GALNT8: variants seen among roughly 807,000 people sequenced by gnomAD.
The protein encoded by GALNT8 is polypeptide N-acetylgalactosaminyltransferase 8.
Under a neutral mutation model 62.7 loss-of-function variants are expected in GALNT8, and 66 were observed. The observed-to-expected ratio is 1.05, with a 90% CI of 0.86 to 1.29. GALNT8 has a LOEUF of 1.29. Among genes scored for constraint, GALNT8 ranks in the 50% most tolerant of loss-of-function variants. The pLI is 0.00. For synonymous variants in GALNT8, 288 were observed against 294.3 expected (o/e 0.98, Z 0.22); for missense variants, 771 against 791.8 (o/e 0.97, Z 0.32).
At chr12:4,736,953 G>A (rs1009042952) in intron 2 of GALNT8, among the ~76,000 whole-genome samples, 19 of 152,164 alleles carry the variant, frequency 1.2e-4, no homozygotes, top group African/African-American at 4.3e-4. Flanking sequence ...AGTTAGCCAT[G>A]TCTAAAGCAT....
intron 3 of GALNT8, among the ~76,000 whole-genome samples, chr12:4,740,313 C>T (rs1375438879): frequency 2.0e-5 from 3 of 152,032 alleles, no homozygotes; most frequent in Non-Finnish European, 4.4e-5. Context: ...TTTTCTTGTA[C>T]ACAAAATATG....
intron 6 of GALNT8, among the ~76,000 whole-genome samples, chr12:4,760,601 G>T (rs563306374): frequency 6.6e-6 from 1 of 152,306 alleles, no homozygotes; most frequent in East Asian, 1.9e-4. Context: ...GGCAGAGAAG[G>T]GGCATGAGGA....
chr12:4,724,385 A>T (rs1302954196), intron 1 of GALNT8, among the ~76,000 whole-genome samples: 1 of 152,126 alleles, frequency 6.6e-6, no homozygotes, highest in Non-Finnish European at 1.5e-5. Context: ...AGTTATGGGG[A>T]TAACCTAGTG....
rs1193686362 is a variant in GALNT8, at chr12:4,760,966, G to A, written c.1182G>A (p.Gln394=). Residue 394 remains glutamine, a synonymous_variant, in exon 7 of 11, where the codon CAG becomes CAA. Coordinates refer to ENST00000252318, the MANE Select transcript of GALNT8 (RefSeq NM_017417.2). ...ENVELSLRVW[Q]CGGKVEILPC... ...TTGGTCTTCTTCTGCAGGTGTGGCA[G>A]TGTGGAGGGAAGGTCGAGATTTTGC... is the stretch of plus-strand genomic sequence containing the variant. 8.1e-6 allele frequency: 13 copies of A among 1,613,916 alleles called. No homozygotes were observed. The highest frequency in any genetic ancestry group is 1.1e-5 in the South Asian group (1 of 91,054).
At chr12:4,745,388 C>G in intron 4 of GALNT8, 41 bp from the exon 5 acceptor site, 1 of 1,287,296 alleles carries the variant, frequency 7.8e-7, no homozygotes, top group Non-Finnish European at 1.1e-6. Flanking sequence ...TACTGCTTGT[C>G]CTCATATCCA....
In GALNT8 at chr12:4,728,786, A is replaced by G. The variant is rs190142855; in HGVS notation, c.509+1957A>G. Among the ~76,000 whole-genome samples, 646 of 152,314 alleles carry G rather than the reference A, an allele frequency of 4.2e-3. 1 individual carries two copies. Among genetic ancestry groups the G allele is most frequent in the Middle Eastern group, 0.01 (3 of 294 alleles). ...TTTGTAGTACATTTTGAAATTGAAA[A>G]TGTGAATCTTCCAACTTTCTTCTTC... On this transcript the variant is annotated intron_variant, in intron 2 of 10. Coordinates refer to ENST00000252318, the MANE Select transcript of GALNT8 (RefSeq NM_017417.2).
intron 4 of GALNT8, 53 bp from the exon 5 acceptor site, chr12:4,745,376 C>A: frequency 8.8e-7 from 1 of 1,140,026 alleles, no homozygotes. Context: ...TCTGCTCTCC[C>A]CTACTGCTTG....
chr12:4,757,812 A>T (rs1946351945), intron 6 of GALNT8, among the ~76,000 whole-genome samples: 1 of 152,182 alleles, frequency 6.6e-6, no homozygotes, highest in Non-Finnish European at 1.5e-5. Flanking sequence ...TCTAACACAA[A>T]AAATATAAAT....
intron 6 of GALNT8, among the ~76,000 whole-genome samples, chr12:4,754,237 G>A (rs904227616): frequency 6.6e-6 from 1 of 152,094 alleles, no homozygotes; most frequent in Non-Finnish European, 1.5e-5. Flanking sequence ...CAATCAGTAG[G>A]TGGCAAAGCC....
Position 4,751,627 on chromosome 12 carries a change from C to T in GALNT8, c.1173+5369C>T, listed in dbSNP as rs182048687. Among the ~76,000 whole-genome samples the T allele has an allele frequency of 8.2e-4, 125 of 152,072 alleles. 1 individual carries two copies. The highest frequency in any genetic ancestry group is 7.1e-3 in the South Asian group (34 of 4,808). ...CCACTGTGGTCAGAGAAGATGCATG[C>T]GATTATTTTTATTTTTTGAATGTTT... On this transcript the variant is annotated intron_variant, in intron 6 of 10. Transcript: ENST00000252318.
At chr12:4,729,506 C>T (rs1477064499) in intron 2 of GALNT8, among the ~76,000 whole-genome samples, 2 of 152,136 alleles carry the variant, frequency 1.3e-5, no homozygotes, top group African/African-American at 4.8e-5. Flanking sequence ...TTTTCAGATT[C>T]CACCTGTAAG....
At chr12:4,745,229 G>C (rs546212480) in intron 4 of GALNT8, among the ~76,000 whole-genome samples, 200 bp from the exon 5 acceptor site, 4 of 152,258 alleles carry the variant, frequency 2.6e-5, no homozygotes, top group African/African-American at 9.6e-5. Flanking sequence ...TCTCGATGCG[G>C]GTTGGCTTCT....
rs1200762190 is a variant in GALNT8 at position 4,720,787 on chromosome 12, T to TTAC, written c.111_113dup (p.Thr38dup). 5.0e-6 allele frequency: 8 copies of TTAC among 1,611,942 alleles called. No homozygotes were observed. The highest frequency in any genetic ancestry group is 1.7e-5 in the Admixed American group (1 of 59,988). ...AGCAAGGGGACTTTACAAAACCTGT[T>TTAC]TACGGGTGGTCTCCACAGGGAGCTT... On this transcript the variant is annotated inframe_insertion, in exon 1 of 11. Transcript: ENST00000252318.
intron 6 of GALNT8, among the ~76,000 whole-genome samples, chr12:4,754,543 A>G (rs1485863875): frequency 6.6e-6 from 1 of 152,046 alleles, no homozygotes; most frequent in Non-Finnish European, 1.5e-5. Flanking sequence ...AGGACTCTCA[A>G]GTTAGCTTAT....
chr12:4,734,973 C>T (rs1372869340), intron 2 of GALNT8, among the ~76,000 whole-genome samples: 2 of 152,206 alleles, frequency 1.3e-5, no homozygotes, highest in African/African-American at 4.8e-5. Context: ...AACGGGTGAA[C>T]AGTGAGCTAC....
intron 3 of GALNT8, among the ~76,000 whole-genome samples, chr12:4,741,871 AG>A (rs767763276): frequency 2.6e-5 from 4 of 152,242 alleles, no homozygotes; most frequent in Admixed American, 6.5e-5. Context: ...TTGGTGTTAC[AG>A]GGACAGGAAT....
chr12:4,757,478 A>G (rs1453145935), intron 6 of GALNT8, among the ~76,000 whole-genome samples: 1 of 152,222 alleles, frequency 6.6e-6, no homozygotes, highest in African/African-American at 2.4e-5. Context: ...CAGGATTGAT[A>G]TGGCAGCTCT....
chr12:4,736,536 G>C (rs569083076), intron 2 of GALNT8, among the ~76,000 whole-genome samples: 1 of 150,504 alleles, frequency 6.6e-6, no homozygotes, highest in South Asian at 2.1e-4. Flanking sequence ...AGTGGCTTAT[G>C]ATGACCCAGA....
intron 3 of GALNT8, 36 bp from the exon 4 acceptor site, chr12:4,744,481 A>G (rs752140930): frequency 1.4e-6 from 2 of 1,443,100 alleles, no homozygotes; most frequent in African/African-American, 2.9e-5. Context: ...TGATTGTTGC[A>G]CTCAGAATTT....
Sources: gnomAD v4.1 joint callset for allele counts (sites outside exome capture counted in the v4.1 genomes callset) on GRCh38, gnomAD v4.1.1 for gene constraint, MANE v1.5 for transcripts, NCBI Gene and HGNC (gene_info 2026-07-23, HGNC 2026-07-21) for gene names.